The following RYR3 variants were observed in gnomAD, a reference collection of about 807,000 sequenced individuals.
RYR3 encodes the protein ryanodine receptor 3, also known as brain ryanodine receptor-calcium release channel.
RYR3 carries 207 observed loss-of-function variants against 584.3 expected under a neutral mutation model. The observed-to-expected ratio is 0.35, with a 90% CI of 0.32 to 0.40. The LOEUF (loss-of-function observed/expected upper bound fraction) is 0.40. Ranked by LOEUF, RYR3 falls within the 10% of genes least tolerant of loss-of-function variation. The pLI is 1.00. For synonymous variants in RYR3, 2,416 were observed against 2,248.5 expected (o/e 1.07, Z -2.11); for missense variants, 5,616 against 6,089.2 (o/e 0.92, Z 2.59).
chr15:33,401,621 A>G (rs554123482), intron 1 of RYR3, among the ~76,000 whole-genome samples: 4 of 152,346 alleles, frequency 2.6e-5, no homozygotes, highest in South Asian at 2.1e-4. Context: ...CAGTATGTGA[A>G]CATGACAGTG....
chr15:33,427,107 C>T (rs1210113098), intron 1 of RYR3, among the ~76,000 whole-genome samples: 2 of 152,138 alleles, frequency 1.3e-5, no homozygotes, highest in African/African-American at 4.8e-5. Flanking sequence ...TCTATAGTTA[C>T]CAGCTGGAGA....
At position 33,359,045 on chromosome 15, in the gene RYR3, A is replaced by C. The variant is rs147738760; in HGVS notation, c.51+47949A>C. Reference sequence around the variant, plus strand: ...AGCCAACCTATGAAGTAGGAACTCTACTCTCCAAATTTACCCTGAACACAT... The same window carrying C: ...AGCCAACCTATGAAGTAGGAACTCTCCTCTCCAAATTTACCCTGAACACAT... On this transcript the variant is annotated intron_variant, in intron 1 of 103. Coordinates refer to ENST00000634891, the MANE Select transcript of RYR3 (RefSeq NM_001036.6). Among the ~76,000 whole-genome samples the C allele has an allele frequency of 1.2e-3, 188 of 152,192 alleles. 1 individual carries two copies. Among genetic ancestry groups the C allele is most frequent in the African/African-American group, 4.4e-3 (183 of 41,518 alleles).
At chr15:33,478,193 A>G (rs1567327340) in intron 2 of RYR3, among the ~76,000 whole-genome samples, 1 of 152,126 alleles carries the variant, frequency 6.6e-6, no homozygotes, top group Non-Finnish European at 1.5e-5. Flanking sequence ...AGAAGGACAT[A>G]GGACAGAAAC....
At chr15:33,833,427 C>T (rs1355273338) in intron 86 of RYR3, among the ~76,000 whole-genome samples, 1 of 152,084 alleles carries the variant, frequency 6.6e-6, no homozygotes, top group Non-Finnish European at 1.5e-5. Context: ...AAAAGAAACA[C>T]AAAACTAAGA....
In RYR3 at chr15:33,853,060, C is replaced by G; in HGVS notation, c.13644C>G (p.Asn4548Lys). 6.2e-6 allele frequency: 10 copies of G among 1,605,682 alleles called. No individual in the cohort carries two copies. Among genetic ancestry groups the G allele is most frequent in the Non-Finnish European group, 8.5e-6 (10 of 1,176,802 alleles). Residue 4548 changes from asparagine to lysine, a missense_variant, in exon 95 of 104, where the codon AAC (asparagine) becomes AAG (lysine). By Grantham distance (94) the Asn-to-Lys change is moderately conservative (BLOSUM62 0). Coordinates refer to ENST00000634891, the MANE Select transcript of RYR3 (RefSeq NM_001036.6). ...LVINTPSFPN[N>K]YWDKFVKRKV... ...TGTTTTTCAGATCTTTTCCTAATAA[C>G]TACTGGGACAAGTTTGTAAAGAGAA...
rs1276902196 is a variant in RYR3 at position 33,537,406 on chromosome 15, C to CATTAT, written c.434-1944_434-1943insATTAT. On this transcript the variant is annotated intron_variant, in intron 5 of 103. Coordinates refer to ENST00000634891, the MANE Select transcript of RYR3 (RefSeq NM_001036.6). ...TGTTTTTTGCCTTCTTGGTTTACCACCTCACTGTGGTGGAACACATTATCT... is the reference window on the plus strand; with the variant it reads ...TGTTTTTTGCCTTCTTGGTTTACCACATTATCTCACTGTGGTGGAACACATTATCT... Among the ~76,000 whole-genome samples, 1,392 of 152,234 alleles carry CATTAT rather than the reference C, an allele frequency of 9.1e-3. 24 individuals carry two copies. The highest frequency in any genetic ancestry group is 0.032 in the African/African-American group (1,314 of 41,530).
intron 1 of RYR3, among the ~76,000 whole-genome samples, chr15:33,440,340 G>A (rs1281453970): frequency 6.6e-6 from 1 of 152,176 alleles, no homozygotes; most frequent in Admixed American, 6.5e-5. Flanking sequence ...ATTTAAACAA[G>A]GAAGTACATA....
intron 67 of RYR3, among the ~76,000 whole-genome samples, chr15:33,790,714 C>T (rs938513574): frequency 1.3e-5 from 2 of 151,868 alleles, no homozygotes; most frequent in African/African-American, 2.4e-5. Context: ...TGGGAGTAAT[C>T]GACACATTTA....
intron 1 of RYR3, among the ~76,000 whole-genome samples, chr15:33,403,018 G>A (rs997817511): frequency 2.6e-5 from 4 of 152,310 alleles, no homozygotes; most frequent in South Asian, 2.1e-4. Context: ...AGTTATTTAA[G>A]TGAGCATTTA....
intron 43 of RYR3, among the ~76,000 whole-genome samples, chr15:33,717,114 A>T (rs1168892665): frequency 6.6e-6 from 1 of 152,198 alleles, no homozygotes; most frequent in Admixed American, 6.5e-5. Context: ...GCGATTAAAT[A>T]CTGGCCTTCA....
chr15:33,540,110 C>G (rs562811998), intron 6 of RYR3, among the ~76,000 whole-genome samples: 7 of 152,080 alleles, frequency 4.6e-5, no homozygotes, highest in Non-Finnish European at 7.4e-5. Context: ...GGTGCTGCAT[C>G]CAGCAAACTG....
rs769765889 is a variant in RYR3 at position 33,669,336 on chromosome 15, T to G, written c.5620-18T>G. On this transcript the variant is annotated intron_variant, in intron 36 of 103. Transcript: ENST00000634891. ...AACATTGAGAACCAACTAGCTATTC[T>G]TCTCTTGCCTCTCAAAGATCAACAT... The G allele has an allele frequency of 6.2e-7, 1 of 1,609,600 alleles. No individual in the cohort carries two copies. Among genetic ancestry groups the G allele is most frequent in the Non-Finnish European group, 8.5e-7 (1 of 1,175,954 alleles).
chr15:33,666,897 A>G (rs1427379837), intron 36 of RYR3, among the ~76,000 whole-genome samples: 1 of 152,234 alleles, frequency 6.6e-6, no homozygotes, highest in Non-Finnish European at 1.5e-5. Context: ...CCTGCTTCCT[A>G]AATGTTCTGC....
At chr15:33,474,620 A>G (rs1158575356) in intron 2 of RYR3, among the ~76,000 whole-genome samples, 2 of 152,260 alleles carry the variant, frequency 1.3e-5, no homozygotes, top group Non-Finnish European at 2.9e-5. Context: ...TAACGGCACT[A>G]TGGCCTAGCC....
intron 1 of RYR3, among the ~76,000 whole-genome samples, chr15:33,437,114 TAGAGTG>T (rs2045794764): frequency 8.5e-6 from 1 of 117,906 alleles, no homozygotes. Context: ...GAGAGAGAGA[TAGAGTG>T]TGTGTGTGTG....
intron 8 of RYR3, among the ~76,000 whole-genome samples, chr15:33,544,598 C>T (rs924860878): frequency 1.3e-5 from 2 of 152,156 alleles, no homozygotes; most frequent in African/African-American, 2.4e-5. Flanking sequence ...GCTGACTCTC[C>T]ATCAGGGACC....
At chr15:33,427,033 A>G (rs886394030) in intron 1 of RYR3, among the ~76,000 whole-genome samples, 3 of 152,226 alleles carry the variant, frequency 2.0e-5, no homozygotes, top group Non-Finnish European at 4.4e-5. Context: ...TGAAGGATTT[A>G]GACTTCAACT....
At chr15:33,445,919 C>T (rs899646502) in intron 1 of RYR3, among the ~76,000 whole-genome samples, 14 of 151,986 alleles carry the variant, frequency 9.2e-5, no homozygotes, top group Admixed American at 3.9e-4. Flanking sequence ...ATTAAGATCC[C>T]GAATGTTCTG....
At chr15:33,727,525 T>G (rs1278681011) in intron 46 of RYR3, among the ~76,000 whole-genome samples, 2 of 152,202 alleles carry the variant, frequency 1.3e-5, no homozygotes, top group Non-Finnish European at 2.9e-5. Flanking sequence ...CAAATAGATG[T>G]TGAACTCAGT....
Sources: gnomAD v4.1 joint callset for allele counts (sites outside exome capture counted in the v4.1 genomes callset) on GRCh38, gnomAD v4.1.1 for gene constraint, MANE v1.5 for transcripts, NCBI Gene and HGNC (gene_info 2026-07-23, HGNC 2026-07-21) for gene names.